Variants in PCNX1 observed in about 807,000 individuals in gnomAD.
PCNX1 encodes the protein pecanex 1.
In PCNX1, 78 loss-of-function variants were observed where a neutral mutation model predicts 242.2. That is an observed-to-expected ratio of 0.32 (90% CI 0.27 to 0.39). The LOEUF (loss-of-function observed/expected upper bound fraction) is 0.39, where lower values mean the gene tolerates loss of function less well. Ranked by LOEUF, PCNX1 falls within the 10% of genes least tolerant of loss-of-function variation. The probability of loss-of-function intolerance (pLI) is 1.00; values close to 1 mark genes in which losing one functional copy is unlikely to be tolerated. For synonymous variants in PCNX1, 1,024 were observed against 1,032.9 expected, an observed-to-expected ratio of 0.99 and a Z score of 0.17; for missense variants, 2,581 against 2,856.5, an observed-to-expected ratio of 0.90 and a Z score of 2.20.
At chr14:71,010,886 T>C (rs963910299) in intron 9 of PCNX1, among the ~76,000 whole-genome samples, 7 of 152,104 alleles carry the variant, frequency 4.6e-5, no homozygotes, top group African/African-American at 1.7e-4. Context: ...ATAACCATGC[T>C]CTTTAAGCTC....
intron 5 of PCNX1, among the ~76,000 whole-genome samples, chr14:70,974,216 C>T (rs1035663064): frequency 4.0e-5 from 6 of 149,352 alleles, no homozygotes; most frequent in Non-Finnish European, 5.9e-5. Context: ...TTTAAACTTA[C>T]AGAACTGGAA....
intron 8 of PCNX1, among the ~76,000 whole-genome samples, chr14:71,007,709 G>C (rs1407490693): frequency 6.6e-6 from 1 of 151,908 alleles, no homozygotes; most frequent in Non-Finnish European, 1.5e-5. Flanking sequence ...ACTAATCATT[G>C]ATTATCCAAT....
chr14:71,104,520 G>A (rs1028044533), intron 32 of PCNX1, among the ~76,000 whole-genome samples: 2 of 151,998 alleles, frequency 1.3e-5, no homozygotes, highest in Admixed American at 6.6e-5. Context: ...TTTAAAAATA[G>A]GAAAAATGAT....
chr14:70,948,746 TAC>T (rs1566606232), intron 2 of PCNX1, among the ~76,000 whole-genome samples: 3 of 148,900 alleles, frequency 2.0e-5, no homozygotes, highest in African/African-American at 7.4e-5. Flanking sequence ...TGTGTATATG[TAC>T]ATATATGTAC....
At chr14:70,982,222 C>T (rs369252796) in intron 6 of PCNX1, among the ~76,000 whole-genome samples, 20 of 152,080 alleles carry the variant, frequency 1.3e-4, no homozygotes, top group East Asian at 5.8e-4. Context: ...AGCTTTTGTA[C>T]TTTACTAAAT....
chr14:71,014,542 C>T (rs553664549), intron 11 of PCNX1, among the ~76,000 whole-genome samples: 1 of 152,246 alleles, frequency 6.6e-6, no homozygotes, highest in South Asian at 2.1e-4. Flanking sequence ...TTTTAAAAGT[C>T]CCAAATCAAA....
chr14:70,961,424 C>G (rs1325426138), intron 2 of PCNX1, among the ~76,000 whole-genome samples: 3 of 152,152 alleles, frequency 2.0e-5, no homozygotes, highest in African/African-American at 7.2e-5. Context: ...GAAAGGATTC[C>G]CTATTTAATA....
intron 1 of PCNX1, among the ~76,000 whole-genome samples, chr14:70,935,755 G>T (rs1439274965): frequency 6.6e-6 from 1 of 152,120 alleles, no homozygotes; most frequent in Non-Finnish European, 1.5e-5. Flanking sequence ...TTTTACATTT[G>T]AAAATGGAAT....
chr14:70,919,011 G>C (rs2056262254), intron 1 of PCNX1, among the ~76,000 whole-genome samples: 1 of 151,790 alleles, frequency 6.6e-6, no homozygotes, highest in South Asian at 2.1e-4. Flanking sequence ...TTTCTGAGTA[G>C]CTGGGACTGC....
intron 3 of PCNX1, among the ~76,000 whole-genome samples, chr14:70,964,475 T>C (rs1221942415): frequency 6.6e-6 from 1 of 152,228 alleles, no homozygotes; most frequent in Non-Finnish European, 1.5e-5. Flanking sequence ...TCTCTTTTTA[T>C]AGAATGAAAT....
chr14:70,961,839 G>A (rs914858316), intron 2 of PCNX1, among the ~76,000 whole-genome samples: 1 of 152,152 alleles, frequency 6.6e-6, no homozygotes, highest in Admixed American at 6.5e-5. Flanking sequence ...ATTACATTCT[G>A]TGTTTACAAT....
chr14:71,009,576 A>G, intron 8 of PCNX1, 58 bp from the exon 9 acceptor site: 1 of 1,014,074 alleles, frequency 9.9e-7, no homozygotes, highest in Non-Finnish European at 1.4e-6. Flanking sequence ...TTAGTATATC[A>G]TGAAGGAAAA....
chr14:71,016,505 C>G (rs113016967), intron 11 of PCNX1, among the ~76,000 whole-genome samples: 1 of 151,998 alleles, frequency 6.6e-6, no homozygotes, highest in Non-Finnish European at 1.5e-5. Flanking sequence ...AGCCATAATA[C>G]GAGAGTTATT....
chr14:71,014,998 C>T (rs1404166910), intron 11 of PCNX1, among the ~76,000 whole-genome samples: 1 of 152,032 alleles, frequency 6.6e-6, no homozygotes, highest in African/African-American at 2.4e-5. Flanking sequence ...GGAAGACATC[C>T]TTTTTATTGT....
intron 1 of PCNX1, among the ~76,000 whole-genome samples, chr14:70,943,151 C>G (rs1184416616): frequency 6.6e-6 from 1 of 152,108 alleles, no homozygotes; most frequent in Non-Finnish European, 1.5e-5. Context: ...TGGACTAATA[C>G]AGTAAATTGG....
intron 1 of PCNX1, among the ~76,000 whole-genome samples, chr14:70,936,177 A>G (rs1468337778): frequency 6.6e-6 from 1 of 152,160 alleles, no homozygotes; most frequent in Non-Finnish European, 1.5e-5. Flanking sequence ...CATGAGCACA[A>G]CGTGCAGCTT....
At chr14:70,962,384 C>G (rs1030869297) in intron 3 of PCNX1, 53 bp downstream of exon 3, 2 of 897,838 alleles carry the variant, frequency 2.2e-6, no homozygotes, top group Non-Finnish European at 3.8e-6. Context: ...TGATGGTGGT[C>G]TCCGTTATTC....
chr14:70,952,910 C>G (rs1280719745), intron 2 of PCNX1, among the ~76,000 whole-genome samples: 1 of 152,074 alleles, frequency 6.6e-6, no homozygotes, highest in Non-Finnish European at 1.5e-5. Context: ...ACATCTTCAT[C>G]AACATTTGAT....
chr14:71,013,443 A>G (rs1341798465), intron 11 of PCNX1, among the ~76,000 whole-genome samples: 1 of 152,070 alleles, frequency 6.6e-6, no homozygotes, highest in African/African-American at 2.4e-5. Flanking sequence ...TTAATCAGTG[A>G]GACTCATACA....
Sources: gnomAD v4.1 joint callset for allele counts (sites outside exome capture counted in the v4.1 genomes callset) on GRCh38, gnomAD v4.1.1 for gene constraint, MANE v1.5 for transcripts, NCBI Gene and HGNC (gene_info 2026-07-23, HGNC 2026-07-21) for gene names.